The following GRID2 variants were observed in gnomAD, a reference collection of about 807,000 sequenced individuals.
GRID2 encodes glutamate receptor ionotropic, delta-2.
A neutral mutation model predicts 114.8 loss-of-function variants in GRID2; 33 were observed. The observed-to-expected ratio is 0.29, with a 90% CI of 0.22 to 0.38. The LOEUF is 0.38. Among genes scored for constraint, GRID2 ranks in the 10% least tolerant of loss-of-function variants. The pLI is 1.00. For missense variants in GRID2, 1,184 were observed against 1,257.7 expected, an observed-to-expected ratio of 0.94 and a Z score of 0.89; for synonymous variants, 505 against 449.9, an observed-to-expected ratio of 1.12 and a Z score of -1.55.
chr4:92,792,047 C>G (rs927325204), intron 2 of GRID2, among the ~76,000 whole-genome samples: 1 of 151,734 alleles, frequency 6.6e-6, no homozygotes, highest in Non-Finnish European at 1.5e-5. Context: ...CTCAGTGAGC[C>G]GTGGCCATGA....
chr4:92,339,100 G>A (rs1323190222), intron 1 of GRID2, among the ~76,000 whole-genome samples: 1 of 152,036 alleles, frequency 6.6e-6, no homozygotes, highest in African/African-American at 2.4e-5. Flanking sequence ...ATTGTTATAT[G>A]AGAAAGCATA....
chr4:92,952,375 A>G (rs1560738362), intron 2 of GRID2, among the ~76,000 whole-genome samples: 1 of 152,224 alleles, frequency 6.6e-6, no homozygotes, highest in Non-Finnish European at 1.5e-5. Flanking sequence ...TGAGGATAAT[A>G]GATCTCTATG....
At chr4:92,952,883 C>T (rs189962055) in intron 2 of GRID2, among the ~76,000 whole-genome samples, 2 of 152,208 alleles carry the variant, frequency 1.3e-5, no homozygotes, top group South Asian at 2.1e-4. Flanking sequence ...GCTCTTAGAG[C>T]GAGAAGTGAA....
intron 14 of GRID2, among the ~76,000 whole-genome samples, chr4:93,679,189 G>A (rs1384822347): frequency 1.1e-4 from 17 of 151,062 alleles, no homozygotes; most frequent in Admixed American, 5.9e-4. Flanking sequence ...GAAGGCCATT[G>A]CATAATGGTA....
intron 4 of GRID2, among the ~76,000 whole-genome samples, chr4:93,131,810 T>C (rs1421093417): frequency 1.3e-5 from 2 of 152,124 alleles, no homozygotes. Context: ...ATTTGAGACA[T>C]TCAGTTCTCA....
intron 8 of GRID2, among the ~76,000 whole-genome samples, chr4:93,238,743 T>A (rs1209768246): frequency 6.6e-6 from 1 of 151,778 alleles, no homozygotes; most frequent in African/African-American, 2.4e-5. Context: ...GGAAATAGCA[T>A]CATCTTTCAT....
chr4:93,010,549 C>T lies in GRID2; in HGVS notation c.245-74446C>T, dbSNP rs546312928. Reference sequence around the variant, plus strand: ...CCAGCACTTGCACTTATAATCTTGACGCCAGAAAGGTACCTTAGCACATAT... The same window carrying T: ...CCAGCACTTGCACTTATAATCTTGATGCCAGAAAGGTACCTTAGCACATAT... On this transcript the variant is annotated intron_variant, in intron 2 of 15. Coordinates refer to ENST00000282020, the MANE Select transcript of GRID2 (RefSeq NM_001510.4). Among the ~76,000 whole-genome samples, 111 of 151,334 alleles carry T rather than the reference C, an allele frequency of 7.3e-4. 1 individual carries two copies. The highest frequency in any genetic ancestry group is 2.2e-3 in the African/African-American group (93 of 41,374).
chr4:92,714,917 C>G (rs1735457722), intron 2 of GRID2, among the ~76,000 whole-genome samples: 1 of 152,184 alleles, frequency 6.6e-6, no homozygotes, highest in Non-Finnish European at 1.5e-5. Context: ...AGGCATTTTC[C>G]CCATTGTCTT....
At chr4:93,486,345 T>C (rs1726402153) in intron 11 of GRID2, among the ~76,000 whole-genome samples, 2 of 151,444 alleles carry the variant, frequency 1.3e-5, no homozygotes, top group Non-Finnish European at 3.0e-5. Flanking sequence ...TTTTTTCTGA[T>C]TTTTTTTCTT....
chr4:92,352,907 C>A (rs892202002), intron 1 of GRID2, among the ~76,000 whole-genome samples: 2 of 151,648 alleles, frequency 1.3e-5, no homozygotes, highest in Admixed American at 1.3e-4. Context: ...TTTCTAGATG[C>A]TTTTGTGTCT....
At chr4:92,557,645 TTA>T (rs138046427) in intron 1 of GRID2, among the ~76,000 whole-genome samples, 28 of 142,614 alleles carry the variant, frequency 2.0e-4, no homozygotes, top group Admixed American at 1.4e-4. Flanking sequence ...ATATATATGG[TTA>T]TATATATATA....
intron 2 of GRID2, among the ~76,000 whole-genome samples, chr4:92,622,198 A>G (rs1730309155): frequency 6.6e-6 from 1 of 151,792 alleles, no homozygotes; most frequent in South Asian, 2.1e-4. Flanking sequence ...TTTCATAGCA[A>G]GAATCTGTAA....
At chr4:92,923,046 C>G (rs1343377472) in intron 2 of GRID2, among the ~76,000 whole-genome samples, 1 of 152,078 alleles carries the variant, frequency 6.6e-6, no homozygotes, top group Non-Finnish European at 1.5e-5. Context: ...GTGCATTATA[C>G]CTCAATAAAA....
chr4:92,970,184 T>A (rs942790916), intron 2 of GRID2, among the ~76,000 whole-genome samples: 4 of 152,026 alleles, frequency 2.6e-5, no homozygotes, highest in Middle Eastern at 3.4e-3. Context: ...TGCAGAGATG[T>A]GGTAGGAGCT....
chr4:93,778,273 C>T (rs990413135), downstream of GRID2, among the ~76,000 whole-genome samples: 1 of 151,844 alleles, frequency 6.6e-6, no homozygotes, highest in African/African-American at 2.4e-5. Context: ...AAATTAAATG[C>T]TAACCCTCTA....
intron 1 of GRID2, among the ~76,000 whole-genome samples, chr4:92,514,893 C>T (rs1724429225): frequency 6.6e-6 from 1 of 151,866 alleles, no homozygotes; most frequent in Non-Finnish European, 1.5e-5. Flanking sequence ...CTGTCTGTTT[C>T]TCTTCTTTCT....
At chr4:93,153,732 C>T (rs760365214) in intron 4 of GRID2, among the ~76,000 whole-genome samples, 10 of 152,006 alleles carry the variant, frequency 6.6e-5, no homozygotes, top group Admixed American at 4.6e-4. Flanking sequence ...TGGAGAATTC[C>T]GGTTCTCCTT....
chr4:93,140,288 A>G (rs1735655486), intron 4 of GRID2, among the ~76,000 whole-genome samples: 3 of 151,100 alleles, frequency 2.0e-5, no homozygotes, highest in Admixed American at 2.0e-4. Context: ...CCTCCTGAGT[A>G]GCTGGGACTA....
intron 2 of GRID2, chr4:92,822,714 G>A (rs1010930753): frequency 6.1e-6 from 1 of 164,344 alleles, no homozygotes; most frequent in Non-Finnish European, 1.3e-5. Flanking sequence ...GCCACCTGAA[G>A]AGATGATTTT....
Sources: gnomAD v4.1 joint callset for allele counts (sites outside exome capture counted in the v4.1 genomes callset) on GRCh38, gnomAD v4.1.1 for gene constraint, MANE v1.5 for transcripts, NCBI Gene and HGNC (gene_info 2026-07-23, HGNC 2026-07-21) for gene names.